OPRM1: variants seen among roughly 807,000 people sequenced by gnomAD.
OPRM1 encodes mu-type opioid receptor.
Under a neutral mutation model 31.8 loss-of-function variants are expected in OPRM1, and 27 were observed. The ratio of observed to expected loss-of-function variants is 0.85; its 90% CI spans 0.63 to 1.17. OPRM1 has a LOEUF of 1.17. OPRM1 is among the 50% of genes most tolerant of loss of function. The pLI is 0.00. For synonymous variants in OPRM1, 196 were observed against 189.9 expected (o/e 1.03, Z -0.26); for missense variants, 536 against 511.1 (o/e 1.05, Z -0.47).
chr6:154,100,344 G>C (rs1457948630), intron 3 of OPRM1, among the ~76,000 whole-genome samples: 1 of 150,090 alleles, frequency 6.7e-6, no homozygotes, highest in Admixed American at 6.7e-5. Flanking sequence ...CCCATTGCCA[G>C]TGGTGTGTGC....
chr6:154,135,068 G>A (rs145238992), downstream of OPRM1, among the ~76,000 whole-genome samples: 1,167 of 152,266 alleles, frequency 7.7e-3, 21 homozygotes, highest in African/African-American at 0.026. Flanking sequence ...TTCTAACAAC[G>A]CTTTTTAAAT....
Position 154,039,411 on chromosome 6 carries a change from C to A in OPRM1, c.-134C>A. 2 of 1,550,146 alleles carry A rather than the reference C, an allele frequency of 1.3e-6. No homozygotes were observed. The highest frequency in any genetic ancestry group is 1.7e-6 in the Non-Finnish European group (2 of 1,146,098). On this transcript the variant is annotated 5_prime_UTR_variant, in exon 1 of 4. Coordinates refer to ENST00000330432, the MANE Select transcript of OPRM1 (RefSeq NM_000914.5). ...CGCCTGACGCTCCTCTCTGTCTCAG[C>A]CAGGACTGGTTTCTGTAAGAAACAG...
intron 3 of OPRM1, among the ~76,000 whole-genome samples, chr6:154,169,776 C>T (rs957641365): frequency 6.6e-6 from 1 of 152,220 alleles, no homozygotes. Flanking sequence ...AATGGCAGTT[C>T]CACCATTCTG....
At chr6:154,246,022 A>C (rs1781008593) in intron 3 of OPRM1, among the ~76,000 whole-genome samples, 1 of 152,198 alleles carries the variant, frequency 6.6e-6, no homozygotes, top group South Asian at 2.1e-4. Context: ...GCCATCACAG[A>C]GCACACCAGG....
chr6:154,038,150 A>G (rs975779701), upstream of OPRM1, among the ~76,000 whole-genome samples: 7 of 152,310 alleles, frequency 4.6e-5, no homozygotes, highest in African/African-American at 1.7e-4. Context: ...AAAAAATAAT[A>G]TTGGAATTAA....
At chr6:154,065,411 G>A (rs1359902186) in intron 1 of OPRM1, among the ~76,000 whole-genome samples, 2 of 152,158 alleles carry the variant, frequency 1.3e-5, no homozygotes, top group African/African-American at 4.8e-5. Context: ...GTCTCCCAAA[G>A]TGCTGGGGTT....
chr6:154,212,789 G>A (rs1467457615), intron 3 of OPRM1: 1 of 1,612,364 alleles, frequency 6.2e-7, no homozygotes, highest in Admixed American at 1.7e-5. Flanking sequence ...AGTCTGGGAA[G>A]CGTGAGGAGG....
rs200808543 is a variant in OPRM1, at chr6:154,039,323, A to G, written c.-222A>G. ...CGGGGCAGGTGATGAGCCTCTGTGA[A>G]CTACTAAGGTGGGAGGGGGCTATAC... On this transcript the variant is annotated 5_prime_UTR_variant, in exon 1 of 4. Coordinates refer to ENST00000330432, the MANE Select transcript of OPRM1 (RefSeq NM_000914.5). 16 of 1,550,224 alleles carry G rather than the reference A, an allele frequency of 1.0e-5. No individual in the cohort carries two copies. The highest frequency in any genetic ancestry group is 1.4e-5 in the Non-Finnish European group (16 of 1,146,258).
At chr6:154,020,338 A>G (rs1778290918) in intron 1 of OPRM1, among the ~76,000 whole-genome samples, 1 of 152,310 alleles carries the variant, frequency 6.6e-6, no homozygotes, top group South Asian at 2.1e-4. Context: ...ACTGTTTTCT[A>G]CAGTGGCTGG....
chr6:154,148,866 A>T (rs1050450471), intron 3 of OPRM1, among the ~76,000 whole-genome samples: 3 of 152,210 alleles, frequency 2.0e-5, no homozygotes, highest in Non-Finnish European at 4.4e-5. Flanking sequence ...CAGTGAGAAC[A>T]TGGGTCATCT....
intron 1 of OPRM1, among the ~76,000 whole-genome samples, chr6:154,033,641 A>C (rs920683864): frequency 2.0e-5 from 3 of 152,210 alleles, no homozygotes; most frequent in African/African-American, 7.2e-5. Flanking sequence ...ATAATGCAAA[A>C]GAGTGATTTG....
intron 1 of OPRM1, among the ~76,000 whole-genome samples, chr6:154,030,587 C>T (rs1778951814): frequency 6.6e-6 from 1 of 151,824 alleles, no homozygotes; most frequent in Non-Finnish European, 1.5e-5. Flanking sequence ...GTTGACTTTC[C>T]CAGTAGCAAA....
intron 3 of OPRM1, among the ~76,000 whole-genome samples, chr6:154,200,275 T>G (rs2128591711): frequency 6.6e-6 from 1 of 152,354 alleles, no homozygotes; most frequent in African/African-American, 2.4e-5. Flanking sequence ...CTGAAAAATC[T>G]CCTTATCATG....
intron 3 of OPRM1, chr6:154,091,691 G>T: frequency 7.7e-7 from 1 of 1,303,850 alleles, no homozygotes; most frequent in Non-Finnish European, 9.7e-7. Context: ...ACACCAATGA[G>T]AAATCCATGA....
At chr6:154,217,620 C>T (rs939323949) in intron 3 of OPRM1, 5 of 152,014 alleles carry the variant, frequency 3.3e-5, no homozygotes, top group Non-Finnish European at 7.3e-5. Flanking sequence ...TTGTCTGACA[C>T]GAATACGTTT....
chr6:154,010,741 A>T (rs948830105), exon 1 of OPRM1: 24 of 1,425,216 alleles, frequency 1.7e-5, no homozygotes, highest in Non-Finnish European at 1.9e-5. Context: ...GCCTGCATGA[A>T]TTGCCCCTTT....
intron 3 of OPRM1, among the ~76,000 whole-genome samples, chr6:154,242,928 A>G (rs1246745163): frequency 6.6e-6 from 1 of 152,142 alleles, no homozygotes. Flanking sequence ...CAGGCAGCAG[A>G]GAGAGGAAGC....
chr6:154,129,905 G>A lies in OPRM1; in HGVS notation c.*11184G>A, dbSNP rs1257283473. Among the ~76,000 whole-genome samples the A allele has an allele frequency of 2.0e-5, 3 of 149,284 alleles. No homozygotes were observed. The highest frequency in any genetic ancestry group is 1.9e-4 in the East Asian group (1 of 5,134). ...ACACACAACATAGTGAAATGGACCC[G>A]TGGGAATTATATGATAGTTGTAATC... On this transcript the variant is annotated 3_prime_UTR_variant, in exon 4 of 4. Coordinates refer to ENST00000330432, the MANE Select transcript of OPRM1 (RefSeq NM_000914.5).
chr6:154,124,267 T>C lies in OPRM1; in HGVS notation c.*5546T>C, dbSNP rs1797462239. Among the ~76,000 whole-genome samples, 1 of 152,222 alleles carries C rather than the reference T, an allele frequency of 6.6e-6. No homozygotes were observed. The highest frequency in any genetic ancestry group is 2.1e-4 in the South Asian group (1 of 4,836). ...GAAAGCATCTTCTGACTCAAATATA[T>C]GAAAAGATTATTCTAGACCTTAGGC... On this transcript the variant is annotated 3_prime_UTR_variant, in exon 4 of 4. Transcript: ENST00000330432.
Sources: gnomAD v4.1 joint callset for allele counts (sites outside exome capture counted in the v4.1 genomes callset) on GRCh38, gnomAD v4.1.1 for gene constraint, MANE v1.5 for transcripts, NCBI Gene and HGNC (gene_info 2026-07-23, HGNC 2026-07-21) for gene names.